Variants in EIF4G3 observed in about 807,000 individuals in gnomAD.
EIF4G3 encodes eukaryotic translation initiation factor 4 gamma 3.
Under a neutral mutation model 186.4 loss-of-function variants are expected in EIF4G3, and 34 were observed. The ratio of observed to expected loss-of-function variants is 0.18; its 90% CI spans 0.14 to 0.24. The LOEUF (loss-of-function observed/expected upper bound fraction) is 0.24. EIF4G3 is among the 10% of genes least tolerant of loss of function. EIF4G3 has a pLI of 1.00. For synonymous variants in EIF4G3, 673 were observed against 679.5 expected (o/e 0.99, Z 0.15); for missense variants, 1,536 against 1,948.5 (o/e 0.79, Z 3.99).
intron 31 of EIF4G3, among the ~76,000 whole-genome samples, chr1:20,828,566 C>T (rs1416301013): frequency 6.6e-6 from 1 of 152,040 alleles, no homozygotes; most frequent in Admixed American, 6.5e-5. Context: ...TTGTTAATCT[C>T]AAAGAAAAGG....
chr1:20,990,073 G>A (rs1408415631), intron 7 of EIF4G3, among the ~76,000 whole-genome samples: 1 of 152,142 alleles, frequency 6.6e-6, no homozygotes, highest in Non-Finnish European at 1.5e-5. Flanking sequence ...CGCAACTCAG[G>A]AGGCTGATGC....
intron 3 of EIF4G3, among the ~76,000 whole-genome samples, chr1:21,071,424 CAA>C (rs2095436696): frequency 6.6e-6 from 1 of 152,072 alleles, no homozygotes; most frequent in Non-Finnish European, 1.5e-5. Context: ...TCCAAAAAAC[CAA>C]AGAGAAACAC....
At chr1:20,954,062 G>C (rs1283506378) in intron 12 of EIF4G3, among the ~76,000 whole-genome samples, 1 of 152,198 alleles carries the variant, frequency 6.6e-6, no homozygotes, top group Non-Finnish European at 1.5e-5. Flanking sequence ...AATTCATTTA[G>C]AGAAAGCCAG....
rs542682911 is a variant in EIF4G3 at position 20,911,425 on chromosome 1, C to T, written c.1664-6454G>A. ...AAAAAATTAAAAAATTAGCCAGGCA[C>T]GGGGTACAAGCTTGTCATCCCAGCT... is the stretch of plus-strand genomic sequence containing the variant. On this transcript the variant is annotated intron_variant, in intron 14 of 36. Coordinates refer to ENST00000602326, the MANE Select transcript of EIF4G3 (RefSeq NM_001391906.1). Among the ~76,000 whole-genome samples the T allele has an allele frequency of 4.4e-4, 67 of 151,474 alleles. No homozygotes were observed. The South Asian group carries it at 5.8e-3, about 13-fold the overall frequency.
intron 20 of EIF4G3, among the ~76,000 whole-genome samples, chr1:20,870,686 T>C (rs1006001331): frequency 1.3e-5 from 2 of 152,246 alleles, no homozygotes; most frequent in Non-Finnish European, 2.9e-5. Context: ...TAAGTACAGA[T>C]TTAGATACAG....
At chr1:20,939,921 C>A (rs1298179957) in intron 14 of EIF4G3, among the ~76,000 whole-genome samples, 2 of 132,204 alleles carry the variant, frequency 1.5e-5, no homozygotes, top group Non-Finnish European at 3.1e-5. Flanking sequence ...GCGGCACGAT[C>A]TTGGCTCACT....
chr1:20,848,513 C>T (rs2072010825), intron 29 of EIF4G3, among the ~76,000 whole-genome samples: 2 of 152,068 alleles, frequency 1.3e-5, no homozygotes, highest in Non-Finnish European at 2.9e-5. Flanking sequence ...GTCTCTGCCA[C>T]TAGACTATAG....
intron 20 of EIF4G3, among the ~76,000 whole-genome samples, chr1:20,868,331 T>C (rs911998844): frequency 2.0e-5 from 3 of 152,072 alleles, no homozygotes; most frequent in Non-Finnish European, 2.9e-5. Flanking sequence ...CCAAAATCAA[T>C]GTACTGGCAG....
rs148531618 is a variant in EIF4G3, at chr1:21,055,017, A to G, written c.-195-4023T>C. On this transcript the variant is annotated intron_variant, in intron 3 of 36. Coordinates refer to ENST00000602326, the MANE Select transcript of EIF4G3 (RefSeq NM_001391906.1). ...CCAATTTTGAGTGACTATTACATTTATAAAGGCATAAAGTTTACCATGAAA... is the reference window on the plus strand; with the variant it reads ...CCAATTTTGAGTGACTATTACATTTGTAAAGGCATAAAGTTTACCATGAAA... Among the ~76,000 whole-genome samples the G allele has an allele frequency of 3.3e-3, 499 of 152,322 alleles. 3 individuals carry two copies. Among genetic ancestry groups the G allele is most frequent in the African/African-American group, 0.012 (482 of 41,582 alleles).
chr1:21,130,049 A>G (rs1004339375), intron 2 of EIF4G3, among the ~76,000 whole-genome samples: 2 of 151,984 alleles, frequency 1.3e-5, no homozygotes, highest in Non-Finnish European at 2.9e-5. Flanking sequence ...TACCATTTTA[A>G]GACTCTAAAG....
intron 4 of EIF4G3, among the ~76,000 whole-genome samples, chr1:21,034,460 C>T (rs565981459): frequency 1.8e-4 from 27 of 152,332 alleles, no homozygotes; most frequent in African/African-American, 5.8e-4. Context: ...TTGAAGTACA[C>T]TTTAATATTA....
intron 2 of EIF4G3, among the ~76,000 whole-genome samples, chr1:21,118,785 C>CAAAAAA (rs796933675): frequency 3.5e-5 from 3 of 86,282 alleles, no homozygotes; most frequent in South Asian, 3.4e-4. Flanking sequence ...GACTACATCT[C>CAAAAAA]AAAAAAAAAA....
At chr1:21,174,337 G>GA (rs2098056594) in intron 2 of EIF4G3, among the ~76,000 whole-genome samples, 1 of 152,154 alleles carries the variant, frequency 6.6e-6, no homozygotes, top group Non-Finnish European at 1.5e-5. Context: ...AATGCACTGA[G>GA]AAAAAGCATA....
chr1:21,153,366 A>G (rs1408819856), intron 2 of EIF4G3, among the ~76,000 whole-genome samples: 1 of 152,222 alleles, frequency 6.6e-6, no homozygotes, highest in Admixed American at 6.5e-5. Context: ...AGTAACATTT[A>G]TTTTTAATAG....
At chr1:21,136,248 G>A (rs1483514226) in intron 2 of EIF4G3, among the ~76,000 whole-genome samples, 2 of 151,434 alleles carry the variant, frequency 1.3e-5, no homozygotes, top group Non-Finnish European at 2.9e-5. Context: ...GCTGGGCATG[G>A]TGGCTCACGC....
chr1:20,806,461 A>C (rs2058141429), downstream of EIF4G3: 1 of 152,662 alleles, frequency 6.6e-6, no homozygotes, highest in Non-Finnish European at 1.5e-5. Flanking sequence ...TGTCCAAAGG[A>C]GAAGTCACTT....
chr1:20,939,728 T>G (rs1434428245), intron 14 of EIF4G3, among the ~76,000 whole-genome samples: 2 of 152,176 alleles, frequency 1.3e-5, no homozygotes, highest in Non-Finnish European at 2.9e-5. Flanking sequence ...TTTTTGTAAC[T>G]ATCGTATCAC....
intron 7 of EIF4G3, among the ~76,000 whole-genome samples, chr1:20,993,838 T>C (rs988536231): frequency 2.0e-5 from 3 of 152,218 alleles, no homozygotes; most frequent in African/African-American, 7.2e-5. Flanking sequence ...TTTAAAAGTA[T>C]ATTCTCTGTA....
intron 3 of EIF4G3, among the ~76,000 whole-genome samples, chr1:21,088,813 C>T (rs532233605): frequency 2.0e-5 from 3 of 151,918 alleles, no homozygotes; most frequent in Non-Finnish European, 4.4e-5. Flanking sequence ...TGCAATGAGC[C>T]AAGATCACAC....
Sources: gnomAD v4.1 joint callset for allele counts (sites outside exome capture counted in the v4.1 genomes callset) on GRCh38, gnomAD v4.1.1 for gene constraint, MANE v1.5 for transcripts, NCBI Gene and HGNC (gene_info 2026-07-23, HGNC 2026-07-21) for gene names.